Variants in ITGA9 observed in about 807,000 individuals in gnomAD.
ITGA9 encodes the protein integrin subunit alpha 9, also known as integrin alpha-9.
ITGA9 carries 56 observed loss-of-function variants against 127.8 expected under a neutral mutation model. That is an observed-to-expected ratio of 0.44 (90% confidence interval 0.35 to 0.55). The LOEUF (loss-of-function observed/expected upper bound fraction) is 0.55. Ranked by LOEUF, ITGA9 falls within the 20% of genes least tolerant of loss-of-function variation. ITGA9 has a pLI of 0.00. For missense variants in ITGA9, 1,196 were observed against 1,347.1 expected, an observed-to-expected ratio of 0.89 and a Z score of 1.76; for synonymous variants, 508 against 514.5, an observed-to-expected ratio of 0.99 and a Z score of 0.17.
intron 1 of ITGA9, among the ~76,000 whole-genome samples, chr3:37,456,825 T>C (rs1698264614): frequency 6.6e-6 from 1 of 152,230 alleles, no homozygotes; most frequent in African/African-American, 2.4e-5. Context: ...TCTGGTGAGC[T>C]GTCTGATGTA....
intron 16 of ITGA9, among the ~76,000 whole-genome samples, chr3:37,647,680 T>C (rs1238014821): frequency 4.6e-5 from 7 of 152,272 alleles, no homozygotes; most frequent in Middle Eastern, 3.4e-3. Flanking sequence ...TTTCTGGTTC[T>C]GTGTATTTAA....
Position 37,779,969 on chromosome 3 carries a change from A to G in ITGA9, c.2735A>G (p.Glu912Gly), listed in dbSNP as rs1696956041. 4.3e-6 allele frequency: 7 copies of G among 1,614,046 alleles called. No individual in the cohort carries two copies. In the East Asian group the frequency reaches 1.6e-4, roughly 36 times the overall value. Reference protein sequence around the residue: ...HCNFSALAKEESRTIDIYMLL... With the variant: ...HCNFSALAKEGSRTIDIYMLL... ...AACTTTAGTGCTCTTGCTAAAGAAG[A>G]AAGTCGTACTATAGACATTTACATG... The change falls in exon 25 of 28, where the codon GAA becomes GGA. Residue 912 changes from glutamate (E) to glycine (G), a missense_variant. Physicochemically the swap from Glu to Gly is moderately conservative, Grantham distance 98. Coordinates refer to ENST00000264741, the MANE Select transcript of ITGA9 (RefSeq NM_002207.3).
At chr3:37,679,693 T>G (rs1283124978) in intron 17 of ITGA9, among the ~76,000 whole-genome samples, 1 of 152,184 alleles carries the variant, frequency 6.6e-6, no homozygotes, top group Non-Finnish European at 1.5e-5. Flanking sequence ...ATGAAAACAA[T>G]CAGGCACGGG....
chr3:37,561,727 C>G (rs1418425563), intron 15 of ITGA9, among the ~76,000 whole-genome samples: 1 of 152,180 alleles, frequency 6.6e-6, no homozygotes, highest in Non-Finnish European at 1.5e-5. Flanking sequence ...TACAGTTTTT[C>G]TGGTGACCTT....
At chr3:37,461,296 C>T (rs2125547778) in intron 1 of ITGA9, among the ~76,000 whole-genome samples, 1 of 152,316 alleles carries the variant, frequency 6.6e-6, no homozygotes, top group Middle Eastern at 3.4e-3. Flanking sequence ...TAGCCCTGCC[C>T]TCAGCCTGCC....
intron 15 of ITGA9, among the ~76,000 whole-genome samples, chr3:37,582,815 C>T (rs944731968): frequency 1.3e-5 from 2 of 152,170 alleles, no homozygotes; most frequent in Non-Finnish European, 1.5e-5. Context: ...TTCCACAACC[C>T]ACAAAAGAAG....
chr3:37,652,174 C>A (rs1430323064), intron 16 of ITGA9, among the ~76,000 whole-genome samples: 2 of 152,012 alleles, frequency 1.3e-5, no homozygotes, highest in South Asian at 4.2e-4. Flanking sequence ...TGCAAGGCTT[C>A]CCTAGGGGCC....
At chr3:37,512,081 C>G (rs186238406) in intron 8 of ITGA9, among the ~76,000 whole-genome samples, 1 of 73,472 alleles carries the variant, frequency 1.4e-5, no homozygotes, top group Non-Finnish European at 2.4e-5. Flanking sequence ...TCTTTCCTTC[C>G]TTCCTTCCTT....
intron 18 of ITGA9, among the ~76,000 whole-genome samples, chr3:37,701,256 T>C (rs996214643): frequency 1.3e-5 from 2 of 152,208 alleles, no homozygotes; most frequent in Non-Finnish European, 2.9e-5. Context: ...TGCTATGGGC[T>C]CTTTAAAATA....
chr3:37,813,187 C>A lies in ITGA9; in HGVS notation c.3010-5704C>A, dbSNP rs117685535. 1.2e-4 allele frequency among the ~76,000 whole-genome samples: 19 copies of A among 152,262 alleles called. No individual in the cohort carries two copies. The East Asian group carries it at 3.5e-3, about 28-fold the overall frequency. On this transcript the variant is annotated intron_variant, in intron 27 of 27. Coordinates refer to ENST00000264741, the MANE Select transcript of ITGA9 (RefSeq NM_002207.3). Reference sequence around the variant, plus strand: ...TGTATGAAGAGTTACAGATTTAGACCATGTATCTCTTAAGCAAAGGAACTA... The same window carrying A: ...TGTATGAAGAGTTACAGATTTAGACAATGTATCTCTTAAGCAAAGGAACTA...
chr3:37,641,527 C>T (rs1324479213), intron 16 of ITGA9, among the ~76,000 whole-genome samples: 1 of 152,104 alleles, frequency 6.6e-6, no homozygotes, highest in Non-Finnish European at 1.5e-5. Context: ...GCCAGCCGCA[C>T]CACCATGAGC....
chr3:37,730,991 A>G (rs1295172336), intron 18 of ITGA9, among the ~76,000 whole-genome samples: 2 of 152,192 alleles, frequency 1.3e-5, no homozygotes. Flanking sequence ...TGCAGTGGGG[A>G]CAGACATATT....
intron 15 of ITGA9, among the ~76,000 whole-genome samples, chr3:37,625,075 T>C (rs1700163816): frequency 6.6e-6 from 1 of 152,192 alleles, no homozygotes; most frequent in South Asian, 2.1e-4. Flanking sequence ...GGGAGTCAGA[T>C]GCAGTCCGCT....
chr3:37,517,458 T>G, intron 9 of ITGA9, 46 bp from the exon 10 acceptor site: 1 of 1,343,014 alleles, frequency 7.4e-7, no homozygotes, highest in Non-Finnish European at 1.0e-6. Context: ...TTTGTTCTGT[T>G]TGTTTTTGTT....
At chr3:37,660,734 T>C (rs1700525660) in intron 17 of ITGA9, among the ~76,000 whole-genome samples, 1 of 152,216 alleles carries the variant, frequency 6.6e-6, no homozygotes, top group South Asian at 2.1e-4. Flanking sequence ...CAATCACTGA[T>C]TCCCATGGAT....
At chr3:37,778,842 AG>A (rs1696939348) in intron 24 of ITGA9, among the ~76,000 whole-genome samples, 1 of 148,994 alleles carries the variant, frequency 6.7e-6, no homozygotes, top group Admixed American at 6.7e-5. Flanking sequence ...CTGTTGGAGA[AG>A]GGTGACTGTT....
intron 1 of ITGA9, among the ~76,000 whole-genome samples, chr3:37,457,172 G>T (rs1698269311): frequency 6.6e-6 from 1 of 152,254 alleles, no homozygotes; most frequent in Non-Finnish European, 1.5e-5. Context: ...GCCTGCTGAA[G>T]AGGTTGAATT....
At chr3:37,687,914 T>G (rs1287413699) in intron 18 of ITGA9, among the ~76,000 whole-genome samples, 1 of 152,204 alleles carries the variant, frequency 6.6e-6, no homozygotes, top group Non-Finnish European at 1.5e-5. Flanking sequence ...CAGGAAGGCG[T>G]GCATTTATAA....
chr3:37,531,177 C>T (rs191621068), intron 13 of ITGA9, among the ~76,000 whole-genome samples: 140 of 152,230 alleles, frequency 9.2e-4, no homozygotes, highest in Non-Finnish European at 1.7e-3. Context: ...GTCTCCCCTG[C>T]CCCCAGGAGT....
Sources: allele counts gnomAD v4.1 joint callset (sites outside exome capture counted in the v4.1 genomes callset), GRCh38; gene constraint gnomAD v4.1.1; transcripts MANE v1.5; gene names NCBI Gene and HGNC (gene_info 2026-07-23, HGNC 2026-07-21).